Variants in ASIC2 observed in about 807,000 individuals in gnomAD.
ASIC2 encodes the protein acid sensing ion channel subunit 2, also known as acid-sensing ion channel 2.
ASIC2 carries 25 observed loss-of-function variants against 57.3 expected under a neutral mutation model. The observed-to-expected ratio is 0.44, with a 90% confidence interval of 0.32 to 0.61. ASIC2 has a LOEUF of 0.61. Among genes scored for constraint, ASIC2 ranks in the 20% least tolerant of loss-of-function variants. ASIC2 has a pLI of 0.06. For missense variants in ASIC2, 641 were observed against 738.1 expected (o/e 0.87, Z 1.52); for synonymous variants, 319 against 307.5 (o/e 1.04, Z -0.39).
At chr17:34,046,428 G>A (rs1206951595) in intron 1 of ASIC2, among the ~76,000 whole-genome samples, 1 of 152,174 alleles carries the variant, frequency 6.6e-6, no homozygotes, top group Non-Finnish European at 1.5e-5. Flanking sequence ...ATTGATCATT[G>A]AAAATTTATT....
intron 1 of ASIC2, among the ~76,000 whole-genome samples, chr17:33,175,095 A>G (rs940886972): frequency 2.0e-5 from 3 of 152,216 alleles, no homozygotes; most frequent in Non-Finnish European, 4.4e-5. Context: ...TTTCTAATGA[A>G]TACGAGATGG....
At chr17:33,078,559 A>C (rs1255156872) in intron 3 of ASIC2, among the ~76,000 whole-genome samples, 1 of 152,198 alleles carries the variant, frequency 6.6e-6, no homozygotes, top group African/African-American at 2.4e-5. Flanking sequence ...GTAAGAGTTT[A>C]CAGTATACTG....
chr17:33,433,627 G>A (rs1301725647), intron 1 of ASIC2, among the ~76,000 whole-genome samples: 1 of 152,122 alleles, frequency 6.6e-6, no homozygotes, highest in Non-Finnish European at 1.5e-5. Context: ...GTGTGTGCCT[G>A]TAGTCCCAGC....
At chr17:33,286,393 C>T (rs1000984593) in intron 1 of ASIC2, among the ~76,000 whole-genome samples, 8 of 152,166 alleles carry the variant, frequency 5.3e-5, no homozygotes, top group Non-Finnish European at 8.8e-5. Flanking sequence ...TCTCTCTCCA[C>T]AGTCTAACAA....
chr17:33,939,588 CA>C (rs200613054), intron 1 of ASIC2, among the ~76,000 whole-genome samples: 5,875 of 152,222 alleles, frequency 0.039, 382 homozygotes, highest in African/African-American at 0.13. Flanking sequence ...CAGGCTCTTC[CA>C]AATCCTGGAG....
intron 1 of ASIC2, among the ~76,000 whole-genome samples, chr17:33,732,627 T>A (rs925688357): frequency 2.0e-5 from 3 of 151,738 alleles, no homozygotes; most frequent in Non-Finnish European, 4.4e-5. Flanking sequence ...CCTCCTGAAT[T>A]TTTTTTATTT....
At chr17:33,396,759 T>G (rs993049594) in intron 1 of ASIC2, among the ~76,000 whole-genome samples, 4 of 152,198 alleles carry the variant, frequency 2.6e-5, no homozygotes, top group African/African-American at 7.2e-5. Flanking sequence ...CATATAATCC[T>G]GAAAATATAT....
At chr17:33,406,992 C>T (rs1910496092) in intron 1 of ASIC2, among the ~76,000 whole-genome samples, 1 of 152,184 alleles carries the variant, frequency 6.6e-6, no homozygotes, top group African/African-American at 2.4e-5. Flanking sequence ...GTCTGAAAGA[C>T]TTGAGTTCAA....
intron 1 of ASIC2, among the ~76,000 whole-genome samples, chr17:33,523,346 T>A (rs1356074372): frequency 6.6e-6 from 1 of 152,162 alleles, no homozygotes; most frequent in African/African-American, 2.4e-5. Flanking sequence ...AACCTCCTAC[T>A]CCCAGATTTA....
At chr17:33,101,079 T>C (rs1178867800) in intron 2 of ASIC2, among the ~76,000 whole-genome samples, 3 of 152,210 alleles carry the variant, frequency 2.0e-5, no homozygotes, top group Non-Finnish European at 4.4e-5. Context: ...ACATCCCAGC[T>C]GGCTGCTGTA....
chr17:33,957,363 G>A (rs1477337061), intron 1 of ASIC2, among the ~76,000 whole-genome samples: 1 of 152,150 alleles, frequency 6.6e-6, no homozygotes, highest in Non-Finnish European at 1.5e-5. Context: ...TTATGTAGTA[G>A]GTACTTGCTG....
chr17:34,120,960 G>T (rs967424007), intron 1 of ASIC2, among the ~76,000 whole-genome samples: 2 of 151,884 alleles, frequency 1.3e-5, no homozygotes, highest in African/African-American at 4.8e-5. Flanking sequence ...GGCTAGCCTT[G>T]AACTCCTGAC....
At chr17:33,511,417 C>A (rs1385390019) in intron 1 of ASIC2, among the ~76,000 whole-genome samples, 3 of 152,174 alleles carry the variant, frequency 2.0e-5, no homozygotes, top group Non-Finnish European at 4.4e-5. Flanking sequence ...CTCATCATCA[C>A]TTCCCCTACC....
intron 1 of ASIC2, among the ~76,000 whole-genome samples, chr17:33,746,059 T>C (rs1232534935): frequency 2.0e-5 from 3 of 151,870 alleles, no homozygotes; most frequent in Non-Finnish European, 2.9e-5. Flanking sequence ...CAAAATCATA[T>C]TGGAGTAAAG....
intron 1 of ASIC2, among the ~76,000 whole-genome samples, chr17:33,137,489 A>G (rs1297164500): frequency 6.6e-6 from 1 of 152,192 alleles, no homozygotes; most frequent in Non-Finnish European, 1.5e-5. Context: ...CCAATATAGC[A>G]TATATTTGGA....
chr17:33,316,341 A>T (rs1173621185), intron 1 of ASIC2, among the ~76,000 whole-genome samples: 1 of 152,152 alleles, frequency 6.6e-6, no homozygotes. Flanking sequence ...TCTTCACCCC[A>T]ACTCTCTCTG....
At chr17:33,166,481 T>C (rs1905310502) in intron 1 of ASIC2, among the ~76,000 whole-genome samples, 1 of 152,178 alleles carries the variant, frequency 6.6e-6, no homozygotes, top group Non-Finnish European at 1.5e-5. Context: ...TCCCATTATC[T>C]GGGAAAATTA....
In ASIC2 at chr17:33,897,897, A is replaced by T. The variant is rs1915134454; in HGVS notation, c.555+258081T>A. Among the ~76,000 whole-genome samples, 3 of 152,332 alleles carry T rather than the reference A, an allele frequency of 2.0e-5. No homozygotes were observed. The East Asian group carries it at 5.8e-4, about 29-fold the overall frequency. On this transcript the variant is annotated intron_variant, in intron 1 of 9. Transcript: ENST00000359872. ...AGTTGGAAGTGGATTTACACCAGAG[A>T]TGCCATGGCAGAAATCGAAGATGGA...
intron 1 of ASIC2, among the ~76,000 whole-genome samples, chr17:33,806,438 C>T (rs1912270584): frequency 6.6e-6 from 1 of 152,212 alleles, no homozygotes; most frequent in Non-Finnish European, 1.5e-5. Flanking sequence ...AAGCAGCAGG[C>T]TGGCTTGGCC....
Sources: allele counts gnomAD v4.1 joint callset (sites outside exome capture counted in the v4.1 genomes callset), GRCh38; gene constraint gnomAD v4.1.1; transcripts MANE v1.5; gene names NCBI Gene and HGNC (gene_info 2026-07-23, HGNC 2026-07-21).